NALF1: variants seen among roughly 807,000 people sequenced by gnomAD.
The protein encoded by NALF1 is family with sequence similarity 155 member A.
NALF1 carries 3 observed loss-of-function variants against 48.4 expected under a neutral mutation model. The ratio of observed to expected loss-of-function variants is 0.06; its 90% confidence interval spans 0.03 to 0.16. The LOEUF (loss-of-function observed/expected upper bound fraction) is 0.16. Among genes scored for constraint, NALF1 ranks in the 10% least tolerant of loss-of-function variants. The probability of loss-of-function intolerance (pLI) is 1.00; values close to 1 mark genes in which losing one functional copy is unlikely to be tolerated. For synonymous variants in NALF1, 262 were observed against 245.7 expected, an observed-to-expected ratio of 1.07 and a Z score of -0.62; for missense variants, 526 against 571.5, an observed-to-expected ratio of 0.92 and a Z score of 0.81.
At chr13:107,213,089 C>T (rs1024113357) in intron 1 of NALF1, among the ~76,000 whole-genome samples, 3 of 152,024 alleles carry the variant, frequency 2.0e-5, no homozygotes, top group Non-Finnish European at 4.4e-5. Context: ...GTGGGGCGTC[C>T]AGTATTGGAG....
chr13:107,211,144 G>T (rs780404052), intron 1 of NALF1, among the ~76,000 whole-genome samples: 51 of 152,206 alleles, frequency 3.4e-4, no homozygotes, highest in Admixed American at 8.5e-4. Context: ...TGATGAGCCA[G>T]TTCCCTCCAC....
chr13:107,170,579 G>A lies in NALF1; in HGVS notation c.1295C>T (p.Thr432Ile), dbSNP rs1878780608. The change falls in exon 3 of 3, where the codon ACA (threonine) becomes ATA (isoleucine). Residue 432 changes from threonine (T) to isoleucine (I), a missense_variant. Thr to Ile is a moderately conservative substitution (Grantham distance 89, BLOSUM62 -1). This residue lies in a region of NALF1 where 153 missense variants were observed against 215.9 expected (regional missense o/e 0.71). Coordinates refer to ENST00000375915, the MANE Select transcript of NALF1 (RefSeq NM_001080396.3). The part of the protein sequence containing the change: ...LVLILLHTVL[T>I]ASAAQNTAGL... The stretch of plus-strand genomic sequence containing the variant: ...GGCTGTGTTCTGTGCTGCCGAGGCT[G>A]TGAGCACTGTGTGTAAGAGAATCAG... 6.2e-7 allele frequency: 1 copy of A among 1,614,190 alleles called. No individual in the cohort carries two copies. Among genetic ancestry groups the A allele is most frequent in the Non-Finnish European group, 8.5e-7 (1 of 1,180,042 alleles).
At chr13:107,515,044 G>A (rs1037985213) in intron 1 of NALF1, among the ~76,000 whole-genome samples, 4 of 152,194 alleles carry the variant, frequency 2.6e-5, no homozygotes, top group Non-Finnish European at 4.4e-5. Flanking sequence ...GCCATATGCA[G>A]GTTATTTAAG....
intron 1 of NALF1, among the ~76,000 whole-genome samples, chr13:107,445,947 AT>A (rs886653339): frequency 3.1e-4 from 45 of 147,504 alleles, no homozygotes; most frequent in East Asian, 6.0e-4. Context: ...TTTGGGACAG[AT>A]TTTTTTTTTT....
intron 1 of NALF1, among the ~76,000 whole-genome samples, chr13:107,728,587 G>T (rs1313101026): frequency 6.6e-6 from 1 of 151,820 alleles, no homozygotes. Context: ...ATGCATGCGG[G>T]GCTTAAAACC....
intron 1 of NALF1, among the ~76,000 whole-genome samples, chr13:107,734,095 C>G (rs1019817487): frequency 4.6e-5 from 7 of 152,120 alleles, no homozygotes; most frequent in Non-Finnish European, 7.4e-5. Flanking sequence ...ATGTGTTGCA[C>G]TACGGTGTTA....
intron 1 of NALF1, among the ~76,000 whole-genome samples, chr13:107,431,626 GGGA>G (rs1884383060): frequency 6.6e-6 from 1 of 152,198 alleles, no homozygotes; most frequent in South Asian, 2.1e-4. Flanking sequence ...ACAAGAGTGA[GGGA>G]TGCTAGCCCG....
intron 1 of NALF1, among the ~76,000 whole-genome samples, chr13:107,453,954 C>G (rs1234911065): frequency 6.6e-6 from 1 of 152,162 alleles, no homozygotes; most frequent in Non-Finnish European, 1.5e-5. Flanking sequence ...GGGCAAAATG[C>G]CACCAGTCTC....
At chr13:107,171,437 CAGA>C (rs1240179178) in intron 2 of NALF1, among the ~76,000 whole-genome samples, 2 of 152,232 alleles carry the variant, frequency 1.3e-5, no homozygotes, top group Non-Finnish European at 1.5e-5. Flanking sequence ...GGGACCATCA[CAGA>C]AGGAGTCTCT....
At chr13:107,451,457 G>A (rs929138252) in intron 1 of NALF1, among the ~76,000 whole-genome samples, 1 of 152,164 alleles carries the variant, frequency 6.6e-6, no homozygotes, top group Non-Finnish European at 1.5e-5. Context: ...AGCAGTTATG[G>A]AGTCGTGAGT....
At position 107,473,567 on chromosome 13, in the gene NALF1, T is replaced by C. The variant is rs184922575; in HGVS notation, c.916-262812A>G. Among the ~76,000 whole-genome samples the C allele has an allele frequency of 1.4e-4, 22 of 152,270 alleles. No homozygotes were observed. The East Asian group carries it at 4.1e-3, about 28-fold the overall frequency. On this transcript the variant is annotated intron_variant, in intron 1 of 2. Transcript: ENST00000375915. ...AAAACAGGACATATGTCTCATAAAA[T>C]ACCATGGCACTGCCTAAGAGAAGGT...
intron 1 of NALF1, among the ~76,000 whole-genome samples, chr13:107,510,874 C>T (rs1166089767): frequency 6.6e-6 from 1 of 152,150 alleles, no homozygotes; most frequent in Non-Finnish European, 1.5e-5. Flanking sequence ...TTAAAAATTA[C>T]AGCTTTAGTT....
intron 1 of NALF1, among the ~76,000 whole-genome samples, chr13:107,732,009 G>T (rs184346768): frequency 6.6e-6 from 1 of 152,142 alleles, no homozygotes; most frequent in South Asian, 2.1e-4. Flanking sequence ...ATTTAGAATT[G>T]TTGGGGCCCT....
intron 1 of NALF1, among the ~76,000 whole-genome samples, chr13:107,544,847 A>G (rs1877093304): frequency 6.6e-6 from 1 of 152,194 alleles, no homozygotes; most frequent in Non-Finnish European, 1.5e-5. Flanking sequence ...TGGAACATCA[A>G]TTCTGTGTCA....
chr13:107,421,787 G>A (rs1002128951), intron 1 of NALF1, among the ~76,000 whole-genome samples: 3 of 152,220 alleles, frequency 2.0e-5, no homozygotes, highest in Admixed American at 2.0e-4. Flanking sequence ...GTCAATTTTT[G>A]ACCTTTCTTC....
chr13:107,358,369 C>T (rs550128656), intron 1 of NALF1, among the ~76,000 whole-genome samples: 3 of 152,294 alleles, frequency 2.0e-5, no homozygotes, highest in African/African-American at 7.2e-5. Flanking sequence ...ACAAAAAGTA[C>T]TTGAGCTTCA....
intron 1 of NALF1, among the ~76,000 whole-genome samples, chr13:107,787,309 A>G (rs189521533): frequency 2.6e-5 from 4 of 151,954 alleles, no homozygotes; most frequent in East Asian, 1.9e-4. Context: ...AATTTTTCCA[A>G]TAATATGTTT....
chr13:107,416,915 T>A (rs2139005423), intron 1 of NALF1, among the ~76,000 whole-genome samples: 1 of 152,342 alleles, frequency 6.6e-6, no homozygotes. Context: ...AAGACACCAG[T>A]CCTTACACCC....
rs140889342 is a variant in NALF1, at chr13:107,719,686, G to C, written c.915+145996C>G. ...TCTGAATATCTCATTGCTCATAATG[G>C]TGTGCTACCTTGGGATCCAGGCTTG... On this transcript the variant is annotated intron_variant, in intron 1 of 2. Transcript: ENST00000375915. 3.0e-4 allele frequency among the ~76,000 whole-genome samples: 45 copies of C among 152,034 alleles called. No individual in the cohort carries two copies. In the East Asian group the frequency reaches 4.1e-3, roughly 14 times the overall value.
Sources: gnomAD v4.1 joint callset for allele counts (sites outside exome capture counted in the v4.1 genomes callset) on GRCh38, gnomAD v4.1.1 for gene constraint, gnomAD v4.1.1 regional missense constraint, MANE v1.5 for transcripts, NCBI Gene and HGNC (gene_info 2026-07-23, HGNC 2026-07-21) for gene names.